Variants in PSME4 observed in about 807,000 individuals in gnomAD.
PSME4 encodes the protein proteasome activator subunit 4, also known as proteasome activator complex subunit 4.
PSME4 carries 89 observed loss-of-function variants against 253.9 expected under a neutral mutation model. That is an observed-to-expected ratio of 0.35 (90% CI 0.30 to 0.42). The LOEUF is 0.42. Ranked by LOEUF, PSME4 falls within the 10% of genes least tolerant of loss-of-function variation. The probability of loss-of-function intolerance (pLI) is 1.00; values close to 1 mark genes in which losing one functional copy is unlikely to be tolerated. For synonymous variants in PSME4, 851 were observed against 759.2 expected (o/e 1.12, Z -1.99); for missense variants, 2,014 against 2,195.2 (o/e 0.92, Z 1.65).
chr2:53,905,016 G>T (rs1680587514), intron 26 of PSME4, among the ~76,000 whole-genome samples: 1 of 147,320 alleles, frequency 6.8e-6, no homozygotes, highest in Non-Finnish European at 1.5e-5. Context: ...TTTGAAATAT[G>T]TACAATGTGT....
intron 3 of PSME4, among the ~76,000 whole-genome samples, chr2:53,946,432 C>T (rs549057417): frequency 3.3e-5 from 5 of 152,216 alleles, no homozygotes; most frequent in Non-Finnish European, 7.3e-5. Context: ...CCATACCACC[C>T]TGAATGTGCC....
At chr2:53,959,735 G>C (rs1670397684) in intron 1 of PSME4, among the ~76,000 whole-genome samples, 1 of 152,154 alleles carries the variant, frequency 6.6e-6, no homozygotes, top group African/African-American at 2.4e-5. Flanking sequence ...GAAACACTGA[G>C]TGAACAAATA....
chr2:53,932,325 C>T (rs1444549241), intron 9 of PSME4, among the ~76,000 whole-genome samples: 1 of 151,818 alleles, frequency 6.6e-6, no homozygotes, highest in Non-Finnish European at 1.5e-5. Flanking sequence ...AAATTTCTAG[C>T]ACATAATTTT....
intron 41 of PSME4, among the ~76,000 whole-genome samples, chr2:53,882,830 G>A (rs568232269): frequency 1.3e-5 from 2 of 151,894 alleles, no homozygotes; most frequent in African/African-American, 4.8e-5. Context: ...TCATAAAAGG[G>A]AAGCTGCAGA....
At chr2:53,898,896 T>C (rs1680263477) in intron 29 of PSME4, among the ~76,000 whole-genome samples, 1 of 152,138 alleles carries the variant, frequency 6.6e-6, no homozygotes, top group Admixed American at 6.5e-5. Context: ...ATTTGACCAA[T>C]AAGTTATTAC....
chr2:53,934,831 T>C, intron 7 of PSME4, 104 bp from the exon 8 acceptor site: 1 of 908,346 alleles, frequency 1.1e-6, no homozygotes, highest in Non-Finnish European at 1.6e-6. Context: ...TTTCATTTTA[T>C]CACAAGGGTT....
intron 30 of PSME4, 50 bp downstream of exon 30, chr2:53,898,251 T>G: frequency 1.3e-6 from 2 of 1,511,586 alleles, no homozygotes; most frequent in South Asian, 2.4e-5. Flanking sequence ...AAAACTCCTA[T>G]AGTATTTATG....
rs373718794 is a variant in PSME4 at position 53,948,241 on chromosome 2, G to A, written c.500+180C>T. ...GAAGTCAATGATCTGCAAGAGAGAT[G>A]CAGCCTCAGATACAGTTTATAGAGG... On this transcript the variant is annotated intron_variant, in intron 3 of 46. Coordinates refer to ENST00000404125, the MANE Select transcript of PSME4 (RefSeq NM_014614.3). Among the ~76,000 whole-genome samples the A allele has an allele frequency of 6.2e-4, 94 of 152,308 alleles. 1 individual carries two copies. In the South Asian group the frequency reaches 0.018, roughly 29 times the overall value.
chr2:53,883,133 T>C (rs757106118), intron 41 of PSME4, among the ~76,000 whole-genome samples: 2 of 152,214 alleles, frequency 1.3e-5, no homozygotes, highest in Non-Finnish European at 2.9e-5. Context: ...ATTTATTTCT[T>C]TTAAAAAGGA....
intron 5 of PSME4, 101 bp from the exon 6 acceptor site, chr2:53,936,928 C>A: frequency 1.4e-6 from 1 of 739,546 alleles, no homozygotes; most frequent in Non-Finnish European, 2.2e-6. Flanking sequence ...TTACTGATAA[C>A]TACGTTAACT....
chr2:53,889,188 T>G (rs908152637), intron 37 of PSME4, among the ~76,000 whole-genome samples: 2 of 152,198 alleles, frequency 1.3e-5, no homozygotes, highest in Admixed American at 1.3e-4. Context: ...TTAGAAATAC[T>G]GAAAACATAT....
chr2:53,955,781 G>A (rs978670477), intron 1 of PSME4, among the ~76,000 whole-genome samples: 1 of 149,702 alleles, frequency 6.7e-6, no homozygotes, highest in African/African-American at 2.5e-5. Context: ...AATTAGCCGG[G>A]CGTGATAGCG....
At chr2:53,875,544 G>C in intron 42 of PSME4, 83 bp downstream of exon 42, 1 of 1,318,698 alleles carries the variant, frequency 7.6e-7, no homozygotes, top group South Asian at 1.5e-5. Flanking sequence ...ACTAGGCGCT[G>C]TGTGCACTGC....
At chr2:53,902,343 A>C (rs183993512) in intron 27 of PSME4, among the ~76,000 whole-genome samples, 64 of 152,324 alleles carry the variant, frequency 4.2e-4, no homozygotes, top group African/African-American at 1.4e-3. Context: ...AATTAACCAC[A>C]ATGATTCTGA....
chr2:53,906,574 G>C (rs771641919), intron 26 of PSME4, 24 bp downstream of exon 26: 5 of 1,517,728 alleles, frequency 3.3e-6, no homozygotes, highest in African/African-American at 2.8e-5. Context: ...GGGCATGAGA[G>C]TGCAGCGTTT....
chr2:53,880,228 C>T (rs1021663372), intron 41 of PSME4, among the ~76,000 whole-genome samples: 7 of 152,004 alleles, frequency 4.6e-5, no homozygotes, highest in East Asian at 1.9e-4. Context: ...GGCCAAGGTA[C>T]GAGGAGCACT....
At chr2:53,877,568 A>C (rs1418858275) in intron 41 of PSME4, among the ~76,000 whole-genome samples, 1 of 152,226 alleles carries the variant, frequency 6.6e-6, no homozygotes, top group Non-Finnish European at 1.5e-5. Flanking sequence ...CAGCGACATC[A>C]GGGGTAGGAG....
In PSME4 at chr2:53,893,656, T is replaced by C. The variant is rs756128988; in HGVS notation, c.4038+18A>G. On this transcript the variant is annotated intron_variant, in intron 35 of 46. Coordinates refer to ENST00000404125, the MANE Select transcript of PSME4 (RefSeq NM_014614.3). Reference sequence around the variant, plus strand: ...GTTACTAAGCATTACAAAGAGGATATGTAAACAATATAGTTACCTTAAAGA... The same window carrying C: ...GTTACTAAGCATTACAAAGAGGATACGTAAACAATATAGTTACCTTAAAGA... The C allele has an allele frequency of 3.1e-6, 5 of 1,605,404 alleles. No individual in the cohort carries two copies. The South Asian group carries it at 3.3e-5, about 11-fold the overall frequency.
chr2:53,924,389 G>GAAAATA (rs1668464623), intron 14 of PSME4, among the ~76,000 whole-genome samples: 2 of 152,138 alleles, frequency 1.3e-5, no homozygotes, highest in East Asian at 3.8e-4. Flanking sequence ...AAACAGAAAT[G>GAAAATA]AAAATAAAGT....
Sources: gnomAD v4.1 joint callset for allele counts (sites outside exome capture counted in the v4.1 genomes callset) on GRCh38, gnomAD v4.1.1 for gene constraint, MANE v1.5 for transcripts, NCBI Gene and HGNC (gene_info 2026-07-23, HGNC 2026-07-21) for gene names.